The following LPAR3 variants were observed in gnomAD, a reference collection of about 807,000 sequenced individuals.
LPAR3 encodes lysophosphatidic acid receptor 3, also known as LPA receptor 3.
In LPAR3, 7 loss-of-function variants were observed where a neutral mutation model predicts 17.8. The ratio of observed to expected loss-of-function variants is 0.39; its 90% CI spans 0.22 to 0.74. The LOEUF (loss-of-function observed/expected upper bound fraction) is 0.74, where lower values mean the gene tolerates loss of function less well. Among genes scored for constraint, LPAR3 ranks in the 30% least tolerant of loss-of-function variants. The pLI is 0.40. For missense variants in LPAR3, 391 were observed against 453.4 expected, an observed-to-expected ratio of 0.86 and a Z score of 1.25; for synonymous variants, 179 against 179.9, an observed-to-expected ratio of 0.99 and a Z score of 0.04.
At chr1:84,885,046 C>T (rs1173326792) in intron 1 of LPAR3, among the ~76,000 whole-genome samples, 3 of 152,170 alleles carry the variant, frequency 2.0e-5, no homozygotes, top group African/African-American at 7.2e-5. Context: ...TTATCTAGAG[C>T]AGCCAGGGCC....
intron 2 of LPAR3, among the ~76,000 whole-genome samples, chr1:84,818,217 A>T (rs1447781818): frequency 2.0e-5 from 3 of 152,260 alleles, no homozygotes; most frequent in Non-Finnish European, 1.5e-5. Context: ...TTGCTCAATA[A>T]AAAGCTTATA....
At chr1:84,880,298 G>C (rs554860112) in intron 1 of LPAR3, among the ~76,000 whole-genome samples, 1 of 152,342 alleles carries the variant, frequency 6.6e-6, no homozygotes, top group South Asian at 2.1e-4. Flanking sequence ...GCAGCTTTTA[G>C]CAAGCGAGAC....
Position 84,813,668 on chromosome 1 carries a change from G to A in LPAR3, c.*178C>T. 1 of 580,588 alleles carries A rather than the reference G, an allele frequency of 1.7e-6. No individual in the cohort carries two copies. Among genetic ancestry groups the A allele is most frequent in the South Asian group, 2.3e-5 (1 of 43,382 alleles). The allele number at this position is 580,588 out of a possible 1,614,324, so 36.0% of individuals were successfully genotyped here. ...TTCTGTGCTTTCTCTAAATGCAGCA[G>A]GTCCTCTCTTTACTGCCCATGCTTT... On this transcript the variant is annotated 3_prime_UTR_variant, in exon 3 of 3. Transcript: ENST00000370611.
At chr1:84,823,587 G>A (rs1659097810) in intron 2 of LPAR3, among the ~76,000 whole-genome samples, 1 of 152,076 alleles carries the variant, frequency 6.6e-6, no homozygotes, top group African/African-American at 2.4e-5. Flanking sequence ...TTGAAAAACT[G>A]AAAATCTTGA....
rs572853473 is a variant in LPAR3, at chr1:84,876,379, C to G, written c.-18-10241G>C. On this transcript the variant is annotated intron_variant, in intron 1 of 2. Coordinates refer to ENST00000370611, the MANE Select transcript of LPAR3 (RefSeq NM_012152.3). Reference sequence around the variant, plus strand: ...GGACTGCTTCCTTGCTTTCCAGCTTCTGCCAATGAGAGGAACAGCAAGAGA... The same window carrying G: ...GGACTGCTTCCTTGCTTTCCAGCTTGTGCCAATGAGAGGAACAGCAAGAGA... Among the ~76,000 whole-genome samples the G allele has an allele frequency of 2.1e-4, 32 of 152,286 alleles. No individual in the cohort carries two copies. In the South Asian group the frequency reaches 6.2e-3, roughly 30 times the overall value.
intron 1 of LPAR3, among the ~76,000 whole-genome samples, chr1:84,881,254 A>T (rs1401410128): frequency 1.3e-5 from 2 of 152,148 alleles, no homozygotes; most frequent in Non-Finnish European, 2.9e-5. Flanking sequence ...GGGAAGCTTC[A>T]GAATCAGCTG....
At chr1:84,836,300 T>C (rs1265443087) in intron 2 of LPAR3, among the ~76,000 whole-genome samples, 2 of 143,312 alleles carry the variant, frequency 1.4e-5, no homozygotes, top group Non-Finnish European at 3.0e-5. Context: ...ATCGTAACAC[T>C]GCACTCCAGC....
chr1:84,844,553 T>C (rs1261616144), intron 2 of LPAR3, among the ~76,000 whole-genome samples: 5 of 152,200 alleles, frequency 3.3e-5, no homozygotes, highest in Non-Finnish European at 5.9e-5. Context: ...CTTGGAGATG[T>C]ATATAAAACG....
chr1:84,889,878 T>C (rs4304606), intron 1 of LPAR3, among the ~76,000 whole-genome samples: 101,500 of 152,050 alleles, frequency 0.67, 34,312 homozygotes, highest in East Asian at 0.85. Context: ...TTAATGGAAC[T>C]CATTAACAAT....
At chr1:84,826,695 T>C (rs1278736511) in intron 2 of LPAR3, among the ~76,000 whole-genome samples, 1 of 151,994 alleles carries the variant, frequency 6.6e-6, no homozygotes, top group African/African-American at 2.4e-5. Flanking sequence ...AATAAACTGA[T>C]TGATAAATTA....
chr1:84,815,729 G>T (rs149580036), intron 2 of LPAR3, among the ~76,000 whole-genome samples: 7 of 152,310 alleles, frequency 4.6e-5, no homozygotes, highest in African/African-American at 1.7e-4. Flanking sequence ...GGTGGTAGTT[G>T]TGAGGATCAG....
At chr1:84,870,849 C>T (rs923703892) in intron 1 of LPAR3, among the ~76,000 whole-genome samples, 4 of 152,124 alleles carry the variant, frequency 2.6e-5, no homozygotes, top group African/African-American at 4.8e-5. Context: ...GCATGTGAAA[C>T]GCCAGACAGA....
At chr1:84,834,201 T>C (rs754782860) in intron 2 of LPAR3, among the ~76,000 whole-genome samples, 4 of 152,232 alleles carry the variant, frequency 2.6e-5, no homozygotes, top group Non-Finnish European at 4.4e-5. Context: ...ATTGGGACTA[T>C]ATATTGGTAC....
chr1:84,811,743 T>C lies in LPAR3; in HGVS notation c.*2103A>G, dbSNP rs967449548. 2.0e-5 allele frequency: 3 copies of C among 152,198 alleles called. No individual in the cohort carries two copies. The highest frequency in any genetic ancestry group is 4.8e-5 in the African/African-American group (2 of 41,442). The allele number at this position is 152,198 out of a possible 1,614,324, so 9.4% of individuals were successfully genotyped here. On this transcript the variant is annotated 3_prime_UTR_variant, in exon 3 of 3. Coordinates refer to ENST00000370611, the MANE Select transcript of LPAR3 (RefSeq NM_012152.3). ...GGCTATTATATTTAGAAGCATGACATCTCAAATCCTTTTATTACAAGTAGT... is the reference window on the plus strand; with the variant it reads ...GGCTATTATATTTAGAAGCATGACACCTCAAATCCTTTTATTACAAGTAGT...
At chr1:84,816,274 C>T (rs148715836) in intron 2 of LPAR3, among the ~76,000 whole-genome samples, 58 of 152,308 alleles carry the variant, frequency 3.8e-4, no homozygotes, top group African/African-American at 1.3e-3. Flanking sequence ...ATAATTGTGT[C>T]TGAGAAACAA....
In LPAR3 at chr1:84,814,017, G is replaced by A. The variant is rs776698371; in HGVS notation, c.891C>T (p.Asp297=). ...VVNPIIYSYK[D]EDMYGTMKKM... Reference sequence around the variant, plus strand: ...TCTTCATGGTGCCATACATGTCCTCGTCCTTGTAGGAGTAGATGATGGGGT... The same window carrying A: ...TCTTCATGGTGCCATACATGTCCTCATCCTTGTAGGAGTAGATGATGGGGT... The change falls in exon 3 of 3, where the codon GAC becomes GAT. Residue 297 remains aspartate, a synonymous_variant. Coordinates refer to ENST00000370611, the MANE Select transcript of LPAR3 (RefSeq NM_012152.3). 36 of 1,614,032 alleles carry A rather than the reference G, an allele frequency of 2.2e-5. 1 individual carries two copies. Among genetic ancestry groups the A allele is most frequent in the South Asian group, 1.1e-4 (10 of 91,080 alleles).
At chr1:84,825,553 A>G (rs1235375190) in intron 2 of LPAR3, among the ~76,000 whole-genome samples, 1 of 152,166 alleles carries the variant, frequency 6.6e-6, no homozygotes, top group East Asian at 1.9e-4. Context: ...CTGGTTGGGC[A>G]TTATAGGAGG....
intron 2 of LPAR3, among the ~76,000 whole-genome samples, chr1:84,834,692 C>T (rs1659363244): frequency 6.6e-6 from 1 of 152,164 alleles, no homozygotes; most frequent in South Asian, 2.1e-4. Context: ...GAGATCAGGT[C>T]ATCAGCCCAT....
intron 2 of LPAR3, among the ~76,000 whole-genome samples, chr1:84,849,190 C>T (rs946251120): frequency 6.6e-6 from 1 of 151,922 alleles, no homozygotes; most frequent in African/African-American, 2.4e-5. Flanking sequence ...TCCTGGCCAA[C>T]ATGGTAAAAC....
Sources: gnomAD v4.1 joint callset for allele counts (sites outside exome capture counted in the v4.1 genomes callset) on GRCh38, gnomAD v4.1.1 for gene constraint, MANE v1.5 for transcripts, NCBI Gene and HGNC (gene_info 2026-07-23, HGNC 2026-07-21) for gene names.